Variants in GOLGA8M observed in about 807,000 individuals in gnomAD.
GOLGA8M encodes the protein golgin subfamily A member 8M.
Under a neutral mutation model 87.7 loss-of-function variants are expected in GOLGA8M, and 34 were observed. The ratio of observed to expected loss-of-function variants is 0.39; its 90% CI spans 0.29 to 0.52. The LOEUF is 0.52. Among genes scored for constraint, GOLGA8M ranks in the 20% least tolerant of loss-of-function variants. GOLGA8M has a pLI of 0.80. For synonymous variants in GOLGA8M, 138 were observed against 250.2 expected, an observed-to-expected ratio of 0.55 and a Z score of 4.23; for missense variants, 396 against 682.2, an observed-to-expected ratio of 0.58 and a Z score of 4.67.
In GOLGA8M at chr15:28,701,126, C is replaced by G. The variant is rs1191248691; in HGVS notation, c.*828G>C. Among the ~76,000 whole-genome samples, 7 of 152,000 alleles carry G rather than the reference C, an allele frequency of 4.6e-5. No individual in the cohort carries two copies. The highest frequency in any genetic ancestry group is 1.0e-4 in the Non-Finnish European group (7 of 68,024). On this transcript the variant is annotated 3_prime_UTR_variant, in exon 19 of 19. Coordinates refer to ENST00000563027, the MANE Select transcript of GOLGA8M (RefSeq NM_001282468.3). ...TCAACGATGGGAACCTTTCATTCCT[C>G]AGAAATAAGCCCTTTTTAGGTCATC...
In GOLGA8M at chr15:28,702,249, G is replaced by A. The variant is rs751830570; in HGVS notation, c.1688C>T (p.Ala563Val). ...SADEPGPGAPAPQELGAADKH... is the reference protein window; with the variant it reads ...SADEPGPGAPVPQELGAADKH... The stretch of plus-strand genomic sequence containing the variant: ...GTCTGCAGCCCCAAGCTCCTGGGGA[G>A]CTGGGGCTCCTGGACCGGGCTCATC... Residue 563 changes from alanine to valine, a missense_variant, in exon 18 of 19, where the codon GCT becomes GTT. Around this residue, in one of 12 missense-constraint regions of GOLGA8M, gnomAD observed 173 missense variants for 150.2 expected, o/e 1.15. Transcript: ENST00000563027. The A allele has an allele frequency of 9.5e-6, 15 of 1,582,098 alleles. No individual in the cohort carries two copies. Among genetic ancestry groups the A allele is most frequent in the East Asian group, 2.3e-5 (1 of 43,484 alleles).
At position 28,702,752 on chromosome 15, in the gene GOLGA8M, C is replaced by T. The variant is rs371003978; in HGVS notation, c.1369-7G>A. 1.9e-6 allele frequency: 3 copies of T among 1,599,328 alleles called. No homozygotes were observed. The highest frequency in any genetic ancestry group is 2.5e-6 in the Non-Finnish European group (3 of 1,179,588). On this transcript the variant is annotated splice_polypyrimidine_tract_variant and splice_region_variant and intron_variant, in intron 15 of 18. Transcript: ENST00000563027. ...GGTGGTCCATAAAGCTGCTCTGGAG[C>T]CAAAATATTGCAGTCACATCTCGGC...
chr15:28,707,297 G>T (rs2080062338), intron 8 of GOLGA8M, among the ~76,000 whole-genome samples: 1 of 135,834 alleles, frequency 7.4e-6, no homozygotes, highest in Non-Finnish European at 1.5e-5. Flanking sequence ...CCATCTTGTT[G>T]CTCTCTCCTG....
chr15:28,702,609 G>A (rs1403587543), intron 16 of GOLGA8M, 36 bp downstream of exon 16: 4 of 1,610,282 alleles, frequency 2.5e-6, no homozygotes, highest in Non-Finnish European at 3.4e-6. Context: ...CGACGGTCCT[G>A]CAGCTCCCCC....
chr15:28,707,917 C>A, intron 7 of GOLGA8M, 36 bp downstream of exon 7: 1 of 1,577,424 alleles, frequency 6.3e-7, no homozygotes. Flanking sequence ...TGTCAAAGTG[C>A]CAGGTTGAAG....
Position 28,701,017 on chromosome 15 carries a change from TA to T in GOLGA8M, c.*936del, listed in dbSNP as rs2140900126. On this transcript the variant is annotated 3_prime_UTR_variant, in exon 19 of 19. Transcript: ENST00000563027. ...GTACTGGGACATGTAGTCATGCGATTAAAACAGGTAACATGAACTCTGACTT... is the reference window on the plus strand; with the variant it reads ...GTACTGGGACATGTAGTCATGCGATTAAACAGGTAACATGAACTCTGACTT... Among the ~76,000 whole-genome samples, 1 of 152,298 alleles carries T rather than the reference TA, an allele frequency of 6.6e-6. No homozygotes were observed. Among genetic ancestry groups the T allele is most frequent in the Admixed American group, 6.5e-5 (1 of 15,296 alleles).
At chr15:28,704,977 C>T (rs1472654187) in intron 13 of GOLGA8M, 182 bp downstream of exon 13, 1 of 916,826 alleles carries the variant, frequency 1.1e-6, no homozygotes, top group Non-Finnish European at 1.7e-6. Context: ...TGAGAGGAGC[C>T]CAGGGCTACC....
At chr15:28,712,454 G>A, upstream of GOLGA8M, 1 of 1,605,510 alleles carries the variant, frequency 6.2e-7, no homozygotes, top group South Asian at 1.1e-5. Flanking sequence ...GGCCCCAGTA[G>A]AATGCGGAAT....
At chr15:28,709,141 TGGGCACCCAAGCTCCCTATTTGTCCC>T in intron 4 of GOLGA8M, 100 bp downstream of exon 4, 1 of 588,942 alleles carries the variant, frequency 1.7e-6, no homozygotes. Context: ...AGGTGAGGCC[TGGGCACCCAAGCTCCCTATTTGTCCC>T]GGGCACCAGG....
Position 28,701,944 on chromosome 15 carries a change from ATGG to A in GOLGA8M, c.*7_*9del. 1 of 1,598,990 alleles carries A rather than the reference ATGG, an allele frequency of 6.3e-7. No individual in the cohort carries two copies. Among genetic ancestry groups the A allele is most frequent in the Non-Finnish European group, 8.5e-7 (1 of 1,179,718 alleles). ...AAATTTCTTGAGCAGCTCTTTGAGG[ATGG>A]TGATGTTTATCTCCTTCTTCTTGGC... On this transcript the variant is annotated 3_prime_UTR_variant, in exon 19 of 19. Transcript: ENST00000563027.
At chr15:28,702,987 C>G (rs982536124) in intron 15 of GOLGA8M, 3 of 963,968 alleles carry the variant, frequency 3.1e-6, no homozygotes, top group Non-Finnish European at 3.7e-6. Context: ...GGCAGCCACC[C>G]TCTGCTCTTT....
chr15:28,707,768 G>A lies in GOLGA8M; in HGVS notation c.571C>T (p.Gln191Ter), dbSNP rs753050812. The A allele has an allele frequency of 1.3e-4, 195 of 1,550,072 alleles. No homozygotes were observed. The highest frequency in any genetic ancestry group is 3.5e-5 in the Non-Finnish European group (40 of 1,156,416). ...CTCACCTGGTTTGCCTTCTTCTTCT[G>A]TGTGGCCATGACATCAGAGAGAACA... ...ESVLSDVMAT[Q>*]KKKANQLSSP... The change falls in exon 8 of 19, where the codon CAG becomes TAG. Residue 191 changes from glutamine (Q) to a stop codon, truncating the protein, a stop_gained. Coordinates refer to ENST00000563027, the MANE Select transcript of GOLGA8M (RefSeq NM_001282468.3). LOFTEE classifies it high-confidence loss of function.
intron 4 of GOLGA8M, among the ~76,000 whole-genome samples, chr15:28,709,059 T>A (rs1302821813): frequency 4.8e-5 from 6 of 126,084 alleles, no homozygotes; most frequent in Non-Finnish European, 8.1e-5. Context: ...CGAGCAGGGG[T>A]GTCTGGAGAG....
chr15:28,710,032 A>G (rs1445929089), intron 2 of GOLGA8M, among the ~76,000 whole-genome samples: 1 of 143,900 alleles, frequency 6.9e-6, no homozygotes, highest in Non-Finnish European at 1.5e-5. Flanking sequence ...CTTGCCCTAA[A>G]TCATATCCCT....
rs952797687 is a variant in GOLGA8M at position 28,702,090 on chromosome 15, T to C, written c.1763A>G (p.Glu588Gly). ...EVSLTSSAQG[E>G]AREDPLLDKP... ...GTCAAGGAGAGGATCCTCCCTGGCC[T>C]CTCCTTGGGCAGAGGAGGTGAGGCT... The change falls in exon 19 of 19, where the codon GAG (glutamate) becomes GGG (glycine). Residue 588 changes from glutamate to glycine, a missense_variant. Transcript: ENST00000563027. 5.7e-5 allele frequency: 91 copies of C among 1,588,456 alleles called. No homozygotes were observed. Among genetic ancestry groups the C allele is most frequent in the Non-Finnish European group, 7.4e-5 (87 of 1,175,818 alleles).
chr15:28,706,846 G>C, intron 8 of GOLGA8M, 147 bp from the exon 9 acceptor site: 1 of 778,252 alleles, frequency 1.3e-6, no homozygotes, highest in Non-Finnish European at 2.1e-6. Context: ...GTTTTTAAAA[G>C]AACACAGTAA....
chr15:28,708,353 C>G, intron 5 of GOLGA8M, 22 bp downstream of exon 5: 1 of 1,602,686 alleles, frequency 6.2e-7, no homozygotes, highest in Non-Finnish European at 8.5e-7. Context: ...AGTCATGTTG[C>G]AAGGAAACGA....
rs572527422 is a variant in GOLGA8M, at chr15:28,704,718, C to T, written c.1200+441G>A. ...TCAGCCTCCCGAGTAGGTGGAATTA[C>T]AGGCATGCACCACAATGTCCTGCTA... is the stretch of plus-strand genomic sequence containing the variant. On this transcript the variant is annotated intron_variant, in intron 13 of 18. Transcript: ENST00000563027. 7.0e-5 allele frequency among the ~76,000 whole-genome samples: 10 copies of T among 143,186 alleles called. 2 individuals carry two copies. The highest frequency in any genetic ancestry group is 1.5e-4 in the Non-Finnish European group (10 of 67,614). The allele number at this position is 143,186 out of a possible 152,430, so 93.9% of individuals were successfully genotyped here. A position where few individuals can be genotyped will look rare whatever the true frequency, so the allele number is the denominator to read the frequency against.
intron 15 of GOLGA8M, 190 bp from the exon 16 acceptor site, chr15:28,702,935 C>G: frequency 1.1e-5 from 11 of 975,746 alleles, no homozygotes; most frequent in Non-Finnish European, 1.2e-5. Flanking sequence ...CTGGCTGCCT[C>G]TGGCTCCTTC....
Sources: allele counts gnomAD v4.1 joint callset (sites outside exome capture counted in the v4.1 genomes callset), GRCh38; gene constraint gnomAD v4.1.1; regional missense constraint gnomAD v4.1.1; transcripts MANE v1.5; gene names NCBI Gene and HGNC (gene_info 2026-07-23, HGNC 2026-07-21).